The following CTIF variants were observed in gnomAD, a reference collection of about 807,000 sequenced individuals.
CTIF encodes the protein cap binding complex dependent translation initiation factor, also known as CBP80/20-dependent translation initiation factor.
CTIF carries 21 observed loss-of-function variants against 66.0 expected under a neutral mutation model. That is an observed-to-expected ratio of 0.32 (90% CI 0.23 to 0.46). The LOEUF (loss-of-function observed/expected upper bound fraction) is 0.46, where lower values mean the gene tolerates loss of function less well. Among genes scored for constraint, CTIF ranks in the 20% least tolerant of loss-of-function variants. CTIF has a pLI of 1.00. For synonymous variants in CTIF, 345 were observed against 326.4 expected (o/e 1.06, Z -0.62); for missense variants, 739 against 812.7 (o/e 0.91, Z 1.10).
intron 6 of CTIF, among the ~76,000 whole-genome samples, chr18:48,680,241 C>T (rs2091717335): frequency 6.6e-6 from 1 of 152,266 alleles, no homozygotes; most frequent in African/African-American, 2.4e-5. Flanking sequence ...GAGAGGTCAT[C>T]TGTCCATGCC....
chr18:48,701,177 T>A lies in CTIF; in HGVS notation c.508-10442T>A, dbSNP rs188862683. 1.3e-3 allele frequency among the ~76,000 whole-genome samples: 204 copies of A among 152,278 alleles called. No homozygotes were observed. In the Middle Eastern group the frequency reaches 0.02, roughly 15 times the overall value. ...GTCTCATCATGCCCAGGTGGTTTTTTCAGGGGCTGCAGAATGGAAACTCTC... is the reference window on the plus strand; with the variant it reads ...GTCTCATCATGCCCAGGTGGTTTTTACAGGGGCTGCAGAATGGAAACTCTC... On this transcript the variant is annotated intron_variant, in intron 6 of 11. Coordinates refer to ENST00000256413, the MANE Select transcript of CTIF (RefSeq NM_014772.3).
At chr18:48,793,227 T>A (rs1449610847) in intron 9 of CTIF, among the ~76,000 whole-genome samples, 1 of 152,188 alleles carries the variant, frequency 6.6e-6, no homozygotes, top group Non-Finnish European at 1.5e-5. Flanking sequence ...ATTATCCTTA[T>A]AAATCAGGAG....
intron 7 of CTIF, among the ~76,000 whole-genome samples, chr18:48,732,211 T>C (rs2145675469): frequency 6.6e-6 from 1 of 152,312 alleles, no homozygotes; most frequent in African/African-American, 2.4e-5. Flanking sequence ...TACGTTTTGA[T>C]GTGGAACTGC....
chr18:48,572,121 C>T (rs2089430251), intron 1 of CTIF, among the ~76,000 whole-genome samples: 1 of 152,012 alleles, frequency 6.6e-6, no homozygotes, highest in Non-Finnish European at 1.5e-5. Context: ...TCCCTCCTTT[C>T]TCCTTCCTCT....
intron 3 of CTIF, among the ~76,000 whole-genome samples, chr18:48,657,559 C>T (rs1174620322): frequency 3.3e-5 from 5 of 152,038 alleles, no homozygotes; most frequent in East Asian, 3.9e-4. Context: ...CAGAGCACCC[C>T]GGGGAGCTCT....
At chr18:48,545,495 C>T (rs1047629615) in intron 1 of CTIF, among the ~76,000 whole-genome samples, 1 of 152,240 alleles carries the variant, frequency 6.6e-6, no homozygotes, top group Non-Finnish European at 1.5e-5. Context: ...GAGTAAAGTC[C>T]GCAGTGATTA....
intron 1 of CTIF, among the ~76,000 whole-genome samples, chr18:48,580,105 C>T (rs550677174): frequency 2.6e-5 from 4 of 152,296 alleles, no homozygotes; most frequent in East Asian, 1.9e-4. Context: ...CCCTGTCTGC[C>T]GGCTGGGTCA....
intron 7 of CTIF, among the ~76,000 whole-genome samples, chr18:48,739,581 G>A (rs572781316): frequency 5.3e-5 from 8 of 152,286 alleles, no homozygotes; most frequent in African/African-American, 1.4e-4. Context: ...TGTCATCACC[G>A]CCACTCACAG....
intron 5 of CTIF, among the ~76,000 whole-genome samples, chr18:48,666,580 C>G (rs1252835687): frequency 6.6e-6 from 1 of 152,224 alleles, no homozygotes; most frequent in Non-Finnish European, 1.5e-5. Context: ...CCATCACTTG[C>G]ATCCGACTCT....
At chr18:48,687,930 G>A (rs2091868801) in intron 6 of CTIF, among the ~76,000 whole-genome samples, 1 of 152,196 alleles carries the variant, frequency 6.6e-6, no homozygotes, top group Non-Finnish European at 1.5e-5. Flanking sequence ...AGCTGTCCTT[G>A]CCTTTTGCCA....
chr18:48,820,394 C>G lies in CTIF; in HGVS notation c.1527+3018C>G, dbSNP rs150404421. On this transcript the variant is annotated intron_variant, in intron 10 of 11. Coordinates refer to ENST00000256413, the MANE Select transcript of CTIF (RefSeq NM_014772.3). ...TCCAGAGCCAAAGGCACAGCTGCAG[C>G]CCCCTCCATGCTGGAAAAGCTTAGG... Among the ~76,000 whole-genome samples the G allele has an allele frequency of 5.5e-3, 839 of 152,240 alleles. 10 individuals carry two copies. Among genetic ancestry groups the G allele is most frequent in the African/African-American group, 0.019 (781 of 41,526 alleles).
intron 9 of CTIF, among the ~76,000 whole-genome samples, chr18:48,785,181 C>G (rs1272523017): frequency 1.3e-5 from 2 of 152,208 alleles, no homozygotes; most frequent in African/African-American, 4.8e-5. Context: ...TCTTTTCCCT[C>G]CTTCCTTCCC....
At chr18:48,552,217 G>A (rs1325818612) in intron 1 of CTIF, among the ~76,000 whole-genome samples, 2 of 152,200 alleles carry the variant, frequency 1.3e-5, no homozygotes, top group African/African-American at 4.8e-5. Context: ...GAGAAAATGA[G>A]GGCACTTCTT....
chr18:48,847,178 C>T (rs948813676), intron 10 of CTIF, among the ~76,000 whole-genome samples: 3 of 151,692 alleles, frequency 2.0e-5, no homozygotes, highest in Admixed American at 6.6e-5. Context: ...CGTGGTGGTG[C>T]GTGCCTGTAG....
chr18:48,744,784 TGTTA>T (rs1451738932), intron 7 of CTIF, among the ~76,000 whole-genome samples: 4 of 152,146 alleles, frequency 2.6e-5, no homozygotes, highest in South Asian at 2.1e-4. Flanking sequence ...TGTCATGACT[TGTTA>T]GTATCTTTTA....
chr18:48,859,315 C>T, intron 11 of CTIF, 29 bp from the exon 12 acceptor site: 1 of 1,604,774 alleles, frequency 6.2e-7, no homozygotes, highest in East Asian at 2.2e-5. Context: ...GGACCCGAGG[C>T]CATCCTAACC....
In CTIF at chr18:48,734,257, C is replaced by T. The variant is rs550199195; in HGVS notation, c.584+22562C>T. 1.2e-3 allele frequency among the ~76,000 whole-genome samples: 186 copies of T among 152,284 alleles called. 1 individual carries two copies. The highest frequency in any genetic ancestry group is 4.4e-3 in the African/African-American group (182 of 41,560). ...AGCATTGCTGTGGTCAGAGATAATA[C>T]CAGGTTAGCTACATTAAAATTATTT... On this transcript the variant is annotated intron_variant, in intron 7 of 11. Transcript: ENST00000256413.
chr18:48,657,740 G>C (rs1277491186), intron 3 of CTIF, among the ~76,000 whole-genome samples: 1 of 152,188 alleles, frequency 6.6e-6, no homozygotes, highest in Non-Finnish European at 1.5e-5. Context: ...ACTCATGGGA[G>C]TGGGAGGGTG....
intron 6 of CTIF, among the ~76,000 whole-genome samples, chr18:48,706,196 C>G (rs553851671): frequency 6.6e-6 from 1 of 152,322 alleles, no homozygotes; most frequent in Non-Finnish European, 1.5e-5. Context: ...AGTCCTTTAT[C>G]ATATGATATA....
Sources: allele counts gnomAD v4.1 joint callset (sites outside exome capture counted in the v4.1 genomes callset), GRCh38; gene constraint gnomAD v4.1.1; transcripts MANE v1.5; gene names NCBI Gene and HGNC (gene_info 2026-07-23, HGNC 2026-07-21).